Variants in IL1RAPL2 observed in about 807,000 individuals in gnomAD.
IL1RAPL2 encodes X-linked interleukin-1 receptor accessory protein-like 2.
A neutral mutation model predicts 44.1 loss-of-function variants in IL1RAPL2; 3 were observed. The observed-to-expected ratio is 0.07, with a 90% CI of 0.03 to 0.18. The LOEUF (loss-of-function observed/expected upper bound fraction) is 0.18, where lower values mean the gene tolerates loss of function less well. Ranked by LOEUF, IL1RAPL2 falls within the 10% of genes least tolerant of loss-of-function variation. The pLI is 1.00. For synonymous variants in IL1RAPL2, 181 were observed against 178.8 expected, an observed-to-expected ratio of 1.01 and a Z score of -0.10; for missense variants, 391 against 496.4, an observed-to-expected ratio of 0.79 and a Z score of 2.02.
intron 2 of IL1RAPL2, among the ~76,000 whole-genome samples, chrX:104,715,505 T>A (rs770424405): frequency 9.2e-6 from 1 of 108,551 alleles, no homozygotes; most frequent in African/African-American, 3.3e-5. Flanking sequence ...GCTCTGACTT[T>A]GATTATTTCT....
intron 2 of IL1RAPL2, among the ~76,000 whole-genome samples, chrX:104,828,482 C>G (rs1361046304): frequency 9.2e-6 from 1 of 109,198 alleles, no homozygotes; most frequent in African/African-American, 3.6e-5. Flanking sequence ...AAGGTTGCTG[C>G]CTCCTCCTTC....
chrX:105,025,405 G>A (rs1024179029), intron 2 of IL1RAPL2, among the ~76,000 whole-genome samples: 1 of 111,388 alleles, frequency 9.0e-6, no homozygotes, highest in South Asian at 3.7e-4. Flanking sequence ...TCTCCTCAAA[G>A]TATAAGCTGA....
chrX:105,741,008 T>G (rs2038495416), intron 8 of IL1RAPL2, among the ~76,000 whole-genome samples: 1 of 111,776 alleles, frequency 8.9e-6, no homozygotes, highest in Non-Finnish European at 1.9e-5. Context: ...TTTTGCCTTC[T>G]TATATCTTAT....
At chrX:104,936,772 T>A (rs1331413609) in intron 2 of IL1RAPL2, among the ~76,000 whole-genome samples, 1 of 109,202 alleles carries the variant, frequency 9.2e-6, no homozygotes, top group African/African-American at 3.3e-5. Context: ...CGGTGGCTAA[T>A]TTTTTTTGTA....
At chrX:104,653,012 AAGAC>A (rs998579883) in intron 1 of IL1RAPL2, among the ~76,000 whole-genome samples, 2 of 110,228 alleles carry the variant, frequency 1.8e-5, no homozygotes, top group African/African-American at 6.6e-5. Context: ...GGAGAGGAAA[AAGAC>A]AGATGCTTGT....
chrX:105,654,695 T>A (rs1315760014), intron 6 of IL1RAPL2, among the ~76,000 whole-genome samples: 2 of 112,018 alleles, frequency 1.8e-5, no homozygotes, highest in African/African-American at 6.5e-5. Context: ...TATTTGCTTT[T>A]CTGCAAATAA....
intron 1 of IL1RAPL2, among the ~76,000 whole-genome samples, chrX:104,646,881 C>T (rs958892468): frequency 8.9e-6 from 1 of 111,744 alleles, no homozygotes; most frequent in Admixed American, 9.5e-5. Flanking sequence ...GCGGTCATAT[C>T]ATGTGACCGA....
intron 6 of IL1RAPL2, among the ~76,000 whole-genome samples, chrX:105,669,594 T>G (rs2037799836): frequency 9.0e-6 from 1 of 111,615 alleles, no homozygotes; most frequent in Non-Finnish European, 1.9e-5. Flanking sequence ...TAATAAATAA[T>G]TCAGAAAGAT....
At chrX:105,500,581 CTT>C (rs1182050298) in intron 6 of IL1RAPL2, among the ~76,000 whole-genome samples, 1 of 111,430 alleles carries the variant, frequency 9.0e-6, no homozygotes, top group Non-Finnish European at 1.9e-5. Flanking sequence ...AAATTGGTCT[CTT>C]TGCCTCCTCT....
At chrX:104,937,574 C>T (rs1162790558) in intron 2 of IL1RAPL2, among the ~76,000 whole-genome samples, 1 of 112,417 alleles carries the variant, frequency 8.9e-6, no homozygotes, top group Non-Finnish European at 1.9e-5. Flanking sequence ...CTGGGAATTG[C>T]AGTATCTGAC....
At chrX:104,697,840 A>C (rs1030799315) in intron 2 of IL1RAPL2, among the ~76,000 whole-genome samples, 1 of 112,544 alleles carries the variant, frequency 8.9e-6, no homozygotes, top group Non-Finnish European at 1.9e-5. Flanking sequence ...AATTACCCCC[A>C]AAATTAGTGT....
At chrX:104,819,878 G>A (rs1015383247) in intron 2 of IL1RAPL2, among the ~76,000 whole-genome samples, 4 of 111,464 alleles carry the variant, frequency 3.6e-5, no homozygotes, top group Non-Finnish European at 7.5e-5. Context: ...GTTGAGGGCT[G>A]ATTTTGTCCA....
Position 104,901,878 on chromosome X carries a change from G to C in IL1RAPL2, c.82+242883G>C, listed in dbSNP as rs545292468. On this transcript the variant is annotated intron_variant, in intron 2 of 10. Transcript: ENST00000372582. ...AATGTGTGTATAGTATTTGTCACAT[G>C]TTAGGTGCTCAACAAATGCTAGTCC... is the stretch of plus-strand genomic sequence containing the variant. Among the ~76,000 whole-genome samples the C allele has an allele frequency of 7.1e-5, 8 of 111,891 alleles. No individual in the cohort carries two copies. The South Asian group carries it at 2.3e-3, about 32-fold the overall frequency.
chrX:104,691,191 C>T (rs1302732871), intron 2 of IL1RAPL2, among the ~76,000 whole-genome samples: 1 of 112,203 alleles, frequency 8.9e-6, no homozygotes, highest in East Asian at 2.8e-4. Flanking sequence ...GCAATGGTTA[C>T]CATGTGTATC....
chrX:105,433,727 G>A (rs1437133715), intron 5 of IL1RAPL2, among the ~76,000 whole-genome samples: 1 of 111,204 alleles, frequency 9.0e-6, no homozygotes, highest in Non-Finnish European at 1.9e-5. Flanking sequence ...TTACAGTTGT[G>A]GAGCTGGGAC....
At position 104,981,214 on chromosome X, in the gene IL1RAPL2, C is replaced by T. The variant is rs781075605; in HGVS notation, c.83-214261C>T. Among the ~76,000 whole-genome samples, 16 of 109,457 alleles carry T rather than the reference C, an allele frequency of 1.5e-4. No homozygotes were observed. The South Asian group carries it at 6.3e-3, about 43-fold the overall frequency. Reference sequence around the variant, plus strand: ...TTCTGTGTTGTGGGGGTTCAGTGTACAGATAATTTTGTGACCCAGGTAATC... The same window carrying T: ...TTCTGTGTTGTGGGGGTTCAGTGTATAGATAATTTTGTGACCCAGGTAATC... On this transcript the variant is annotated intron_variant, in intron 2 of 10. Coordinates refer to ENST00000372582, the MANE Select transcript of IL1RAPL2 (RefSeq NM_017416.2).
intron 10 of IL1RAPL2, among the ~76,000 whole-genome samples, chrX:105,755,900 T>A (rs977835462): frequency 2.7e-5 from 3 of 111,955 alleles, no homozygotes; most frequent in Non-Finnish European, 5.6e-5. Context: ...ATGCTATTTT[T>A]AAGTTATGCT....
At chrX:104,731,519 C>T (rs1248629496) in intron 2 of IL1RAPL2, among the ~76,000 whole-genome samples, 5 of 111,358 alleles carry the variant, frequency 4.5e-5, no homozygotes, top group African/African-American at 1.6e-4. Flanking sequence ...TCTCCTTTCT[C>T]AGCCTCCTGA....
chrX:104,907,730 G>T (rs1326941166), intron 2 of IL1RAPL2, among the ~76,000 whole-genome samples: 6 of 110,161 alleles, frequency 5.4e-5, no homozygotes, highest in Admixed American at 2.9e-4. Context: ...CAAGTATGTG[G>T]TCAATTTTGG....
Sources: gnomAD v4.1 joint callset for allele counts (sites outside exome capture counted in the v4.1 genomes callset) on GRCh38, gnomAD v4.1.1 for gene constraint, MANE v1.5 for transcripts, NCBI Gene and HGNC (gene_info 2026-07-23, HGNC 2026-07-21) for gene names.